Variants in MAP4K3 observed in about 807,000 individuals in gnomAD.
MAP4K3 encodes mitogen-activated protein kinase kinase kinase kinase 3, also known as MAPK/ERK kinase kinase kinase 3.
A neutral mutation model predicts 143.5 loss-of-function variants in MAP4K3; 94 were observed. That is an observed-to-expected ratio of 0.65 (90% CI 0.55 to 0.78). The LOEUF is 0.78. Ranked by LOEUF, MAP4K3 falls within the 30% of genes least tolerant of loss-of-function variation. The probability of loss-of-function intolerance (pLI) is 0.00; values close to 1 mark genes in which losing one functional copy is unlikely to be tolerated. For synonymous variants in MAP4K3, 416 were observed against 347.2 expected, an observed-to-expected ratio of 1.20 and a Z score of -2.20; for missense variants, 1,077 against 1,068.1, an observed-to-expected ratio of 1.01 and a Z score of -0.12.
chr2:39,310,299 T>C (rs1682897702), intron 13 of MAP4K3, among the ~76,000 whole-genome samples: 2 of 152,170 alleles, frequency 1.3e-5, no homozygotes, highest in South Asian at 4.1e-4. Flanking sequence ...CTACTCTACC[T>C]CCATGAGATC....
Position 39,404,080 on chromosome 2 carries a change from C to G in MAP4K3, c.97-25957G>C, listed in dbSNP as rs531857232. Among the ~76,000 whole-genome samples the G allele has an allele frequency of 1.8e-4, 28 of 152,030 alleles. No individual in the cohort carries two copies. In the South Asian group the frequency reaches 4.2e-3, roughly 23 times the overall value. ...GGCCCTGAATAACCAGCAGCAAAAC[C>G]CAGGTAGTATGCTGTGAGTCCTGGG... On this transcript the variant is annotated intron_variant, in intron 1 of 33. Transcript: ENST00000263881.
chr2:39,394,922 G>A (rs1443441488), intron 1 of MAP4K3, among the ~76,000 whole-genome samples: 1 of 152,074 alleles, frequency 6.6e-6, no homozygotes. Context: ...GAAGGAATTT[G>A]AATCCATCAG....
intron 3 of MAP4K3, among the ~76,000 whole-genome samples, chr2:39,345,994 C>A (rs932003929): frequency 6.9e-6 from 1 of 145,068 alleles, no homozygotes; most frequent in Non-Finnish European, 1.5e-5. Flanking sequence ...ATCTGCAATT[C>A]ATAGGTGGTT....
intron 21 of MAP4K3, 24 bp downstream of exon 21, chr2:39,286,828 G>C: frequency 1.4e-6 from 2 of 1,467,440 alleles, no homozygotes; most frequent in Non-Finnish European, 1.9e-6. Flanking sequence ...AATACAAGTA[G>C]AACTTATGAC....
In MAP4K3 at chr2:39,282,567, C is replaced by T. The variant is rs1403627645; in HGVS notation, c.1588-13G>A. On this transcript the variant is annotated splice_polypyrimidine_tract_variant and intron_variant, in intron 21 of 33. Coordinates refer to ENST00000263881, the MANE Select transcript of MAP4K3 (RefSeq NM_003618.4). ...TACTAATAGGCTTCTAGAAAAAGAACACATGTATGATTACACTTTTTTTGC... is the reference window on the plus strand; with the variant it reads ...TACTAATAGGCTTCTAGAAAAAGAATACATGTATGATTACACTTTTTTTGC... The T allele has an allele frequency of 1.9e-6, 3 of 1,602,650 alleles. No individual in the cohort carries two copies. Among genetic ancestry groups the T allele is most frequent in the South Asian group, 1.1e-5 (1 of 90,002 alleles).
chr2:39,436,258 A>C lies in MAP4K3; in HGVS notation c.96+634T>G, dbSNP rs537461186. Among the ~76,000 whole-genome samples, 390 of 152,288 alleles carry C rather than the reference A, an allele frequency of 2.6e-3. 1 individual carries two copies. The highest frequency in any genetic ancestry group is 8.7e-3 in the African/African-American group (362 of 41,560). ...CTAAGTATTCAAGTCACTTTTTAAA[A>C]AACAAGTTTAAATGGCATCGCAGTC... On this transcript the variant is annotated intron_variant, in intron 1 of 33. Transcript: ENST00000263881.
intron 31 of MAP4K3, among the ~76,000 whole-genome samples, chr2:39,256,774 G>C (rs1473334106): frequency 2.0e-5 from 3 of 152,170 alleles, no homozygotes; most frequent in Admixed American, 2.0e-4. Context: ...GCACAGGATA[G>C]GGATTATCTC....
At chr2:39,385,317 T>C (rs894336473) in intron 1 of MAP4K3, among the ~76,000 whole-genome samples, 1 of 152,076 alleles carries the variant, frequency 6.6e-6, no homozygotes, top group African/African-American at 2.4e-5. Flanking sequence ...ATGGTGGGGT[T>C]CCACTTGCTT....
chr2:39,297,041 A>G (rs981038393), intron 16 of MAP4K3, among the ~76,000 whole-genome samples: 32 of 152,160 alleles, frequency 2.1e-4, no homozygotes, highest in African/African-American at 7.0e-4. Context: ...TCTTTTAACT[A>G]TTACTTATTA....
chr2:39,338,411 G>C (rs1478809117), intron 4 of MAP4K3, among the ~76,000 whole-genome samples: 2 of 152,122 alleles, frequency 1.3e-5, no homozygotes, highest in African/African-American at 4.8e-5. Flanking sequence ...CAATAGAAAA[G>C]TTTGGAAATT....
At chr2:39,403,196 G>A (rs945507339) in intron 1 of MAP4K3, among the ~76,000 whole-genome samples, 3 of 152,074 alleles carry the variant, frequency 2.0e-5, no homozygotes, top group South Asian at 2.1e-4. Context: ...CAAGAGGGCC[G>A]AACAGGACTC....
At chr2:39,395,874 T>C (rs1027318184) in intron 1 of MAP4K3, among the ~76,000 whole-genome samples, 1 of 151,744 alleles carries the variant, frequency 6.6e-6, no homozygotes, top group Admixed American at 6.5e-5. Flanking sequence ...TTGATATGTA[T>C]GCTTTATTTG....
intron 1 of MAP4K3, among the ~76,000 whole-genome samples, chr2:39,417,242 CAG>C (rs1321551172): frequency 3.7e-5 from 5 of 135,648 alleles, no homozygotes; most frequent in African/African-American, 1.4e-4. Context: ...GTGTGTGAGA[CAG>C]AGTCTTGCCC....
rs1480720314 is a variant in MAP4K3, at chr2:39,431,497, C to T, written c.96+5395G>A. ...GGTCCCGTAAAACCTGGATCCATCC[C>T]TGAACTGTATCCCTGAAAGTGGTGG... is the stretch of plus-strand genomic sequence containing the variant. On this transcript the variant is annotated intron_variant, in intron 1 of 33. Transcript: ENST00000263881. Among the ~76,000 whole-genome samples, 5 of 152,262 alleles carry T rather than the reference C, an allele frequency of 3.3e-5. No individual in the cohort carries two copies. In the South Asian group the frequency reaches 8.3e-4, roughly 25 times the overall value.
At chr2:39,260,891 C>A in intron 28 of MAP4K3, 114 bp from the exon 29 acceptor site, 1 of 691,622 alleles carries the variant, frequency 1.4e-6, no homozygotes, top group Non-Finnish European at 2.4e-6. Flanking sequence ...CACAGAAATT[C>A]AGGTAATGCA....
chr2:39,315,368 A>G lies in MAP4K3; in HGVS notation c.939T>C (p.His313=). The change falls in exon 13 of 34, where the codon CAT becomes CAC. Residue 313 remains histidine (H), a synonymous_variant. Coordinates refer to ENST00000263881, the MANE Select transcript of MAP4K3 (RefSeq NM_003618.4). ...DDPEPLVAVP[H]RIHSTSRNVR... is the part of the protein sequence containing the mutation. ...CGTTTCTACTTGTTGAGTGAATTCT[A>G]TGTGGTACAGCAACAAGAGGCTAGA... The G allele has an allele frequency of 1.2e-6, 2 of 1,612,198 alleles. No individual in the cohort carries two copies. The highest frequency in any genetic ancestry group is 1.7e-4 in the Middle Eastern group (1 of 6,054).
At chr2:39,251,263 G>C (rs1680146870) in intron 33 of MAP4K3, among the ~76,000 whole-genome samples, 1 of 152,178 alleles carries the variant, frequency 6.6e-6, no homozygotes, top group Non-Finnish European at 1.5e-5. Flanking sequence ...CCCCAGGAAA[G>C]AGCAGTCCTG....
chr2:39,385,238 T>C (rs1666464521), intron 1 of MAP4K3, among the ~76,000 whole-genome samples: 1 of 152,130 alleles, frequency 6.6e-6, no homozygotes, highest in Admixed American at 6.5e-5. Flanking sequence ...TAGGTATATG[T>C]TTAACCTTAT....
chr2:39,434,772 A>C (rs1665401401), intron 1 of MAP4K3, among the ~76,000 whole-genome samples: 1 of 152,258 alleles, frequency 6.6e-6, no homozygotes. Context: ...TGGAGTTAAC[A>C]ATAGCACCTA....
Sources: gnomAD v4.1 joint callset for allele counts (sites outside exome capture counted in the v4.1 genomes callset) on GRCh38, gnomAD v4.1.1 for gene constraint, MANE v1.5 for transcripts, NCBI Gene and HGNC (gene_info 2026-07-23, HGNC 2026-07-21) for gene names.